Variants in SLC6A5 observed in about 807,000 individuals in gnomAD.
SLC6A5 encodes the protein solute carrier family 6 member 5, also known as sodium- and chloride-dependent glycine transporter 2.
In SLC6A5, 58 loss-of-function variants were observed where a neutral mutation model predicts 90.5. That is an observed-to-expected ratio of 0.64 (90% CI 0.52 to 0.80). SLC6A5 has a LOEUF of 0.80. Among genes scored for constraint, SLC6A5 ranks in the 30% least tolerant of loss-of-function variants. The pLI, the probability that SLC6A5 is intolerant of heterozygous loss-of-function variation, is 0.00. For missense variants in SLC6A5, 1,015 were observed against 1,017.6 expected (o/e 1.00, Z 0.03); for synonymous variants, 427 against 401.4 (o/e 1.06, Z -0.76).
At chr11:20,611,344 AC>A (rs1852689332) in intron 5 of SLC6A5, among the ~76,000 whole-genome samples, 1 of 152,206 alleles carries the variant, frequency 6.6e-6, no homozygotes, top group Admixed American at 6.5e-5. Context: ...AATCCCAGCT[AC>A]TTTGGAGGCT....
intron 10 of SLC6A5, 120 bp from the exon 11 acceptor site, chr11:20,636,187 G>A (rs1853202165): frequency 8.3e-6 from 6 of 725,870 alleles, no homozygotes; most frequent in South Asian, 7.4e-5. Flanking sequence ...ATAACCAACA[G>A]TGGAAGCAGC....
intron 10 of SLC6A5, among the ~76,000 whole-genome samples, chr11:20,635,320 A>G (rs1853183967): frequency 6.6e-6 from 1 of 152,186 alleles, no homozygotes; most frequent in African/African-American, 2.4e-5. Flanking sequence ...CACAGATGGT[A>G]AGTCACGGAA....
At chr11:20,649,028 A>C (rs1396581992) in intron 14 of SLC6A5, among the ~76,000 whole-genome samples, 3 of 152,154 alleles carry the variant, frequency 2.0e-5, no homozygotes, top group Admixed American at 2.0e-4. Context: ...TCAAGCCAAT[A>C]CCTATATATT....
At chr11:20,651,911 GAAAAAA>G (rs942042144) in intron 14 of SLC6A5, among the ~76,000 whole-genome samples, 37 of 144,214 alleles carry the variant, frequency 2.6e-4, no homozygotes, top group African/African-American at 8.7e-4. Context: ...GTCTCAAAAA[GAAAAAA>G]AAAAGAAAAA....
intron 6 of SLC6A5, 79 bp downstream of exon 6, chr11:20,614,899 A>T (rs1015315013): frequency 1.5e-6 from 2 of 1,369,942 alleles, no homozygotes; most frequent in African/African-American, 1.4e-5. Flanking sequence ...TGCAGACCAG[A>T]GGTGTGGGTA....
chr11:20,643,858 C>T (rs1945774), intron 13 of SLC6A5, among the ~76,000 whole-genome samples: 43,476 of 151,882 alleles, frequency 0.29, 6,903 homozygotes, highest in South Asian at 0.49. Flanking sequence ...TCTGGAGACT[C>T]GCTGTACATG....
intron 14 of SLC6A5, among the ~76,000 whole-genome samples, chr11:20,648,076 A>G (rs1043458873): frequency 6.6e-6 from 1 of 152,156 alleles, no homozygotes; most frequent in African/African-American, 2.4e-5. Flanking sequence ...ACAGCAATTG[A>G]CAGAGATCCT....
chr11:20,624,503 C>A (rs535744103), intron 7 of SLC6A5, among the ~76,000 whole-genome samples: 6 of 152,130 alleles, frequency 3.9e-5, no homozygotes, highest in Non-Finnish European at 1.5e-5. Flanking sequence ...TTCATCTCCC[C>A]CTGTGAGTCC....
chr11:20,601,314 G>A lies in SLC6A5; in HGVS notation c.189G>A (p.Gln63=). Residue 63 remains glutamine (Q), a synonymous_variant, in exon 2 of 16, where the codon CAG becomes CAA. Transcript: ENST00000525748. ...CTTCCACCGGCGCCCAAACTTTCCAGTCAGCGGACGCGCGAGCCTGCGAGG... is the reference window on the plus strand; with the variant it reads ...CTTCCACCGGCGCCCAAACTTTCCAATCAGCGGACGCGCGAGCCTGCGAGG... ...RSASTGAQTF[Q]SADARACEAE... is the part of the protein sequence containing the mutation. 3 of 1,592,492 alleles carry A rather than the reference G, an allele frequency of 1.9e-6. No homozygotes were observed. Among genetic ancestry groups the A allele is most frequent in the Non-Finnish European group, 2.6e-6 (3 of 1,173,990 alleles).
chr11:20,637,525 C>T (rs1853232976), intron 12 of SLC6A5, among the ~76,000 whole-genome samples: 1 of 152,068 alleles, frequency 6.6e-6, no homozygotes, highest in African/African-American at 2.4e-5. Context: ...TGAGATGTAG[C>T]CTTATTGAGC....
rs529485233 is a variant in SLC6A5, at chr11:20,642,024, T to C, written c.1969+3466T>C. Among the ~76,000 whole-genome samples, 3 of 152,096 alleles carry C rather than the reference T, an allele frequency of 2.0e-5. No homozygotes were observed. In the South Asian group the frequency reaches 6.2e-4, roughly 32 times the overall value. ...GTATTAAGCTGAGGGCCCTTCACAGTAACTACAAAAGAATGACTTGGGGAT... is the reference window on the plus strand; with the variant it reads ...GTATTAAGCTGAGGGCCCTTCACAGCAACTACAAAAGAATGACTTGGGGAT... On this transcript the variant is annotated intron_variant, in intron 13 of 15. Coordinates refer to ENST00000525748, the MANE Select transcript of SLC6A5 (RefSeq NM_004211.5).
At chr11:20,636,740 A>G (rs1853215730) in intron 11 of SLC6A5, among the ~76,000 whole-genome samples, 1 of 152,184 alleles carries the variant, frequency 6.6e-6, no homozygotes, top group South Asian at 2.1e-4. Context: ...GAATAATGTG[A>G]AATCAATTTT....
At chr11:20,643,874 T>C (rs1853360176) in intron 13 of SLC6A5, among the ~76,000 whole-genome samples, 1 of 151,934 alleles carries the variant, frequency 6.6e-6, no homozygotes, top group Non-Finnish European at 1.5e-5. Flanking sequence ...ACATGAGGGG[T>C]GGCTGACATT....
intron 6 of SLC6A5, among the ~76,000 whole-genome samples, chr11:20,617,045 C>T (rs929833768): frequency 5.3e-5 from 8 of 152,204 alleles, no homozygotes; most frequent in Non-Finnish European, 1.0e-4. Context: ...GCCTCCTTTC[C>T]TCAGGGGTGG....
rs959899022 is a variant in SLC6A5 at position 20,601,261 on chromosome 11, C to G, written c.136C>G (p.Pro46Ala). ...PEQELPAAAAPPPPRVPRSAS... is the reference protein window; with the variant it reads ...PEQELPAAAAAPPPRVPRSAS... ...GCAGGAGCTTCCCGCGGCTGCCGCC[C>G]CGCCGCCGCCACGTGTGCCCAGGTC... The change falls in exon 2 of 16, where the codon CCG becomes GCG. Residue 46 changes from proline (P) to alanine (A), a missense_variant. Transcript: ENST00000525748. The G allele has an allele frequency of 6.3e-7, 1 of 1,583,950 alleles. No individual in the cohort carries two copies.
In SLC6A5 at chr11:20,654,294, A is replaced by G. The variant is rs969163630; in HGVS notation, c.2239-419A>G. ...TGCAATTATTTAGATGTAGCAATCC[A>G]CTGTTGAGACTACAGAACAAAAGTA... On this transcript the variant is annotated intron_variant, in intron 15 of 15. Coordinates refer to ENST00000525748, the MANE Select transcript of SLC6A5 (RefSeq NM_004211.5). 2.6e-5 allele frequency among the ~76,000 whole-genome samples: 4 copies of G among 152,154 alleles called. No homozygotes were observed. In the East Asian group the frequency reaches 7.7e-4, roughly 29 times the overall value.
chr11:20,617,451 A>T (rs1048882201), intron 6 of SLC6A5, among the ~76,000 whole-genome samples: 3 of 152,238 alleles, frequency 2.0e-5, no homozygotes, highest in Admixed American at 6.5e-5. Context: ...GGGATGTGCT[A>T]GTGACAATGG....
At chr11:20,650,977 C>G (rs1229295696) in intron 14 of SLC6A5, among the ~76,000 whole-genome samples, 2 of 151,634 alleles carry the variant, frequency 1.3e-5, no homozygotes, top group African/African-American at 4.8e-5. Flanking sequence ...GACGCCTGTT[C>G]TTATTGAGTC....
Position 20,601,319 on chromosome 11 carries a change from C to T in SLC6A5, c.194C>T (p.Ala65Val), listed in dbSNP as rs768245472. 1.3e-6 allele frequency: 2 copies of T among 1,592,242 alleles called. No individual in the cohort carries two copies. The highest frequency in any genetic ancestry group is 1.7e-6 in the Non-Finnish European group (2 of 1,173,776). Residue 65 changes from alanine to valine, a missense_variant, in exon 2 of 16, where the codon GCG (alanine) becomes GTG (valine). Physicochemically the swap from Ala to Val is moderately conservative, Grantham distance 64. Coordinates refer to ENST00000525748, the MANE Select transcript of SLC6A5 (RefSeq NM_004211.5). Reference protein sequence around the residue: ...ASTGAQTFQSADARACEAERP... With the variant: ...ASTGAQTFQSVDARACEAERP... ...ACCGGCGCCCAAACTTTCCAGTCAG[C>T]GGACGCGCGAGCCTGCGAGGCTGAG...
Sources: gnomAD v4.1 joint callset for allele counts (sites outside exome capture counted in the v4.1 genomes callset) on GRCh38, gnomAD v4.1.1 for gene constraint, MANE v1.5 for transcripts, NCBI Gene and HGNC (gene_info 2026-07-23, HGNC 2026-07-21) for gene names.